Variants in CCPG1 observed in about 807,000 individuals in gnomAD.
CCPG1 encodes the protein cell cycle progression 1, also known as cell cycle progression protein 1.
A neutral mutation model predicts 81.3 loss-of-function variants in CCPG1; 46 were observed. The ratio of observed to expected loss-of-function variants is 0.57; its 90% CI spans 0.45 to 0.72. CCPG1 has a LOEUF of 0.72. Ranked by LOEUF, CCPG1 falls within the 30% of genes least tolerant of loss-of-function variation. CCPG1 has a pLI of 0.00. For synonymous variants in CCPG1, 330 were observed against 305.2 expected (o/e 1.08, Z -0.85); for missense variants, 902 against 937.6 (o/e 0.96, Z 0.50).
At chr15:55,387,690 A>T (rs1336332447) in intron 2 of CCPG1, among the ~76,000 whole-genome samples, 4 of 151,786 alleles carry the variant, frequency 2.6e-5, no homozygotes, top group Non-Finnish European at 4.4e-5. Context: ...GATTACAGGC[A>T]TGTGCGACCA....
rs79293076 is a variant in CCPG1, at chr15:55,370,434, T to A, written c.706+1359A>T. Among the ~76,000 whole-genome samples, 97 of 152,312 alleles carry A rather than the reference T, an allele frequency of 6.4e-4. 1 individual carries two copies. In the East Asian group the frequency reaches 0.018, roughly 28 times the overall value. On this transcript the variant is annotated intron_variant, in intron 6 of 8. Transcript: ENST00000442196. ...AGTGTCTCTACCCCAAATTCCAATA[T>A]AGCAAAGAGAGTCAAAGTTCAGGTT...
At chr15:55,398,738 T>G (rs2057070422) in intron 1 of CCPG1, among the ~76,000 whole-genome samples, 1 of 151,988 alleles carries the variant, frequency 6.6e-6, no homozygotes, top group African/African-American at 2.4e-5. Context: ...CGCACCACCA[T>G]GCCGAGCTAA....
Position 55,379,161 on chromosome 15 carries a change from CGTGT to C in CCPG1, c.176-789_176-786del, listed in dbSNP as rs57640801. On this transcript the variant is annotated intron_variant, in intron 3 of 8. Transcript: ENST00000442196. The stretch of plus-strand genomic sequence containing the variant: ...TTATGAAAGTATGTATGTATATGTA[CGTGT>C]GTGTGTGTGTGTGTGTGTGTGTGTG... Among the ~76,000 whole-genome samples, 447 of 134,664 alleles carry C rather than the reference CGTGT, an allele frequency of 3.3e-3. 5 individuals are homozygous for C. Among genetic ancestry groups the C allele is most frequent in the South Asian group, 0.014 (55 of 4,052 alleles). The allele number at this position is 134,664 out of a possible 152,430, so 88.3% of individuals were successfully genotyped here.
chr15:55,360,060 A>G lies in CCPG1; in HGVS notation c.1713T>C (p.His571=). Residue 571 remains histidine, a synonymous_variant, in exon 8 of 9, where the codon CAT becomes CAC. Transcript: ENST00000442196. ...KPRTVFSDYL[H]PQYKAPTENH... is the part of the protein sequence containing the mutation. The stretch of plus-strand genomic sequence containing the variant: ...TTTCTGTAGGTGCCTTATACTGTGG[A>G]TGTAAATAGTCACTAAAAACTGTTC... The G allele has an allele frequency of 1.2e-6, 2 of 1,613,782 alleles. No homozygotes were observed. Among genetic ancestry groups the G allele is most frequent in the South Asian group, 2.2e-5 (2 of 91,076 alleles).
At chr15:55,389,299 C>T (rs1324419012) in intron 2 of CCPG1, 66 bp downstream of exon 2, 1 of 1,124,260 alleles carries the variant, frequency 8.9e-7, no homozygotes, top group Non-Finnish European at 1.3e-6. Flanking sequence ...CTTCAAAGAA[C>T]ACAGTTTACA....
intron 2 of CCPG1, 55 bp downstream of exon 2, chr15:55,389,310 T>A (rs2056867723): frequency 8.2e-7 from 1 of 1,223,334 alleles, no homozygotes; most frequent in Non-Finnish European, 1.2e-6. Flanking sequence ...ACAGTTTACA[T>A]CACTGGTAAC....
rs1595869152 is a variant in CCPG1 at position 55,401,983 on chromosome 15, T to G, written c.-10+6238A>C. On this transcript the variant is annotated intron_variant, in intron 1 of 8. Transcript: ENST00000442196. ...CCATGTCTTCACTTCCTGAAATGCTTTTCTTCCTTCATTCTGATTTCTGTA... is the reference window on the plus strand; with the variant it reads ...CCATGTCTTCACTTCCTGAAATGCTGTTCTTCCTTCATTCTGATTTCTGTA... 2.0e-5 allele frequency among the ~76,000 whole-genome samples: 3 copies of G among 152,262 alleles called. No homozygotes were observed. The East Asian group carries it at 5.8e-4, about 29-fold the overall frequency.
intron 1 of CCPG1, among the ~76,000 whole-genome samples, chr15:55,406,743 C>A (rs1295033195): frequency 6.6e-6 from 1 of 151,920 alleles, no homozygotes; most frequent in African/African-American, 2.4e-5. Flanking sequence ...CCCTTTAAGT[C>A]ATTTCTAAAA....
intron 1 of CCPG1, among the ~76,000 whole-genome samples, chr15:55,389,637 C>G (rs1044277583): frequency 1.3e-5 from 2 of 152,100 alleles, no homozygotes; most frequent in African/African-American, 4.8e-5. Flanking sequence ...GATAAGGAGA[C>G]CCTCCTGGAC....
intron 2 of CCPG1, 50 bp downstream of exon 2, chr15:55,389,315 G>T: frequency 1.6e-6 from 2 of 1,259,718 alleles, no homozygotes; most frequent in South Asian, 2.5e-5. Flanking sequence ...TTACATCACT[G>T]GTAACATTAA....
rs1595826384 is a variant in CCPG1 at position 55,366,434 on chromosome 15, T to C, written c.707-1125A>G. ...GCCAAATTTGTTAAGAATTCTGCAA[T>C]GGTTAAATCTGTACTGGAGTAGCAC... On this transcript the variant is annotated intron_variant, in intron 6 of 8. Transcript: ENST00000442196. 3.9e-5 allele frequency among the ~76,000 whole-genome samples: 6 copies of C among 152,212 alleles called. No individual in the cohort carries two copies. The South Asian group carries it at 1.2e-3, about 32-fold the overall frequency.
intron 1 of CCPG1, among the ~76,000 whole-genome samples, chr15:55,395,985 C>T (rs905744382): frequency 6.6e-6 from 1 of 151,982 alleles, no homozygotes; most frequent in Non-Finnish European, 1.5e-5. Flanking sequence ...GAAACCCCAT[C>T]TCTACTAAAA....
intron 2 of CCPG1, among the ~76,000 whole-genome samples, chr15:55,388,657 T>A (rs2056852130): frequency 6.6e-6 from 1 of 152,112 alleles, no homozygotes; most frequent in Non-Finnish European, 1.5e-5. Flanking sequence ...CCCAGCTACT[T>A]GGGAGGATCA....
chr15:55,362,499 G>A (rs1445567583), intron 7 of CCPG1, among the ~76,000 whole-genome samples: 1 of 152,188 alleles, frequency 6.6e-6, no homozygotes, highest in Non-Finnish European at 1.5e-5. Context: ...ACCTGTATGA[G>A]AGAAAAGAAA....
At chr15:55,397,930 C>A (rs2057052905) in intron 1 of CCPG1, among the ~76,000 whole-genome samples, 1 of 151,722 alleles carries the variant, frequency 6.6e-6, no homozygotes, top group Non-Finnish European at 1.5e-5. Flanking sequence ...TGAGCCGAGA[C>A]TATGCCACGG....
intron 1 of CCPG1, among the ~76,000 whole-genome samples, chr15:55,390,049 G>A (rs1198213897): frequency 2.6e-5 from 4 of 151,878 alleles, no homozygotes; most frequent in Non-Finnish European, 2.9e-5. Context: ...TCAGCCTCCC[G>A]AGTAGCTGGG....
intron 1 of CCPG1, among the ~76,000 whole-genome samples, chr15:55,396,349 T>G (rs573225964): frequency 5.9e-5 from 9 of 152,286 alleles, no homozygotes; most frequent in African/African-American, 2.2e-4. Flanking sequence ...AAGAATACTT[T>G]GTGAAGACAA....
At chr15:55,392,596 T>C (rs1421347781) in intron 1 of CCPG1, among the ~76,000 whole-genome samples, 1 of 151,090 alleles carries the variant, frequency 6.6e-6, no homozygotes, top group Non-Finnish European at 1.5e-5. Context: ...ACACAGTTCA[T>C]TGCAGCCTTG....
intron 1 of CCPG1, among the ~76,000 whole-genome samples, chr15:55,389,715 T>C (rs1595857018): frequency 6.6e-6 from 1 of 152,136 alleles, no homozygotes; most frequent in South Asian, 2.1e-4. Flanking sequence ...AAATGTAGCA[T>C]TTGGCCAGAC....
Sources: gnomAD v4.1 joint callset for allele counts (sites outside exome capture counted in the v4.1 genomes callset) on GRCh38, gnomAD v4.1.1 for gene constraint, MANE v1.5 for transcripts, NCBI Gene and HGNC (gene_info 2026-07-23, HGNC 2026-07-21) for gene names.